Variants in KCNAB1 observed in about 807,000 individuals in gnomAD.
KCNAB1 encodes the protein voltage-gated potassium channel subunit beta-1.
In KCNAB1, 35 loss-of-function variants were observed where a neutral mutation model predicts 64.6. That is an observed-to-expected ratio of 0.54 (90% CI 0.41 to 0.72). The LOEUF (loss-of-function observed/expected upper bound fraction) is 0.72, where lower values mean the gene tolerates loss of function less well. KCNAB1 is among the 30% of genes least tolerant of loss of function. The pLI, the probability that KCNAB1 is intolerant of heterozygous loss-of-function variation, is 0.00. For missense variants in KCNAB1, 401 were observed against 512.9 expected, an observed-to-expected ratio of 0.78 and a Z score of 2.11; for synonymous variants, 177 against 183.8, an observed-to-expected ratio of 0.96 and a Z score of 0.30.
chr3:156,263,140 C>CTT (rs1718520928), intron 1 of KCNAB1, among the ~76,000 whole-genome samples: 1 of 151,794 alleles, frequency 6.6e-6, no homozygotes, highest in Non-Finnish European at 1.5e-5. Flanking sequence ...CTACTCTAAT[C>CTT]TTCATTAATT....
At chr3:156,268,027 C>T (rs937649426) in intron 1 of KCNAB1, among the ~76,000 whole-genome samples, 14 of 151,118 alleles carry the variant, frequency 9.3e-5, no homozygotes, top group East Asian at 1.9e-4. Context: ...ACTTCCTCCC[C>T]ACCCCCCATT....
intron 1 of KCNAB1, among the ~76,000 whole-genome samples, chr3:156,402,717 C>T (rs1341737647): frequency 6.6e-6 from 1 of 152,182 alleles, no homozygotes; most frequent in Non-Finnish European, 1.5e-5. Flanking sequence ...TGAAGGAAGG[C>T]TAAATCCTTA....
chr3:156,192,922 T>A (rs1713650406), intron 1 of KCNAB1, among the ~76,000 whole-genome samples: 1 of 152,052 alleles, frequency 6.6e-6, no homozygotes, highest in African/African-American at 2.4e-5. Context: ...TGAGTCTTGG[T>A]TTTTTATCCA....
chr3:156,391,888 A>AGTTTGCAGAT, intron 1 of KCNAB1, among the ~76,000 whole-genome samples: 1 of 152,226 alleles, frequency 6.6e-6, no homozygotes, highest in Non-Finnish European at 1.5e-5. Context: ...CTAGTATTTC[A>AGTTTGCAGAT]GCCTCTGTAG....
intron 1 of KCNAB1, among the ~76,000 whole-genome samples, chr3:156,222,246 G>A (rs567534984): frequency 1.0e-3 from 157 of 152,274 alleles, no homozygotes; most frequent in African/African-American, 3.7e-3. Flanking sequence ...GATATTCCCT[G>A]CAAATGGACA....
intron 1 of KCNAB1, among the ~76,000 whole-genome samples, chr3:156,392,812 T>C (rs1485087034): frequency 6.6e-6 from 1 of 152,264 alleles, no homozygotes; most frequent in Non-Finnish European, 1.5e-5. Context: ...TAAATCCAAC[T>C]GGGTTATGAA....
chr3:156,126,437 G>A (rs1713659628), intron 1 of KCNAB1, among the ~76,000 whole-genome samples: 1 of 152,226 alleles, frequency 6.6e-6, no homozygotes, highest in South Asian at 2.1e-4. Context: ...TTTAGGCAAA[G>A]GGGAGGAGTC....
intron 10 of KCNAB1, among the ~76,000 whole-genome samples, chr3:156,515,811 T>G (rs956872503): frequency 6.7e-6 from 1 of 150,370 alleles, no homozygotes; most frequent in African/African-American, 2.4e-5. Flanking sequence ...GAAATAACTT[T>G]CTTCCTAAGA....
chr3:156,420,864 T>C (rs1467963106), intron 1 of KCNAB1, among the ~76,000 whole-genome samples: 1 of 152,084 alleles, frequency 6.6e-6, no homozygotes, highest in East Asian at 1.9e-4. Flanking sequence ...CAAAAATATA[T>C]TTCTTTTCCT....
At chr3:156,220,525 A>G (rs1258909863) in intron 1 of KCNAB1, among the ~76,000 whole-genome samples, 4 of 150,948 alleles carry the variant, frequency 2.6e-5, no homozygotes, top group Non-Finnish European at 4.4e-5. Flanking sequence ...TCTTTTGAGA[A>G]GTGTCTGTTC....
intron 8 of KCNAB1, among the ~76,000 whole-genome samples, chr3:156,479,372 A>C (rs560728535): frequency 5.7e-4 from 87 of 152,284 alleles, no homozygotes; most frequent in African/African-American, 2.0e-3. Context: ...ATGGATGGAC[A>C]CAGAGCATTT....
chr3:156,484,404 G>A (rs1260857032), intron 8 of KCNAB1, among the ~76,000 whole-genome samples: 2 of 152,076 alleles, frequency 1.3e-5, no homozygotes, highest in Non-Finnish European at 2.9e-5. Flanking sequence ...GAGTGCTTCT[G>A]CTCACCCCAG....
intron 1 of KCNAB1, among the ~76,000 whole-genome samples, chr3:156,242,116 G>A (rs773251160): frequency 6.6e-6 from 1 of 152,170 alleles, no homozygotes; most frequent in African/African-American, 2.4e-5. Flanking sequence ...ATCACTTAGT[G>A]TGGGCTGATT....
At chr3:156,511,875 A>T (rs1717237389) in intron 8 of KCNAB1, among the ~76,000 whole-genome samples, 1 of 152,188 alleles carries the variant, frequency 6.6e-6, no homozygotes, top group Non-Finnish European at 1.5e-5. Context: ...TGCCAACTTC[A>T]TCTCATACCC....
chr3:156,234,889 T>A (rs1236791706), intron 1 of KCNAB1, among the ~76,000 whole-genome samples: 1 of 152,222 alleles, frequency 6.6e-6, no homozygotes, highest in East Asian at 1.9e-4. Flanking sequence ...TTATAAGAAA[T>A]GTGACCATAA....
chr3:156,283,475 T>G (rs1268777732), intron 1 of KCNAB1, among the ~76,000 whole-genome samples: 1 of 148,964 alleles, frequency 6.7e-6, no homozygotes, highest in Admixed American at 6.6e-5. Flanking sequence ...AGTATCTTTG[T>G]GGCGTTCTCT....
At chr3:156,533,814 G>A (rs1015301312) in intron 13 of KCNAB1, among the ~76,000 whole-genome samples, 2 of 152,154 alleles carry the variant, frequency 1.3e-5, no homozygotes, top group African/African-American at 4.8e-5. Context: ...GGAGATCACT[G>A]CCATTCCTGG....
chr3:156,228,188 C>T (rs1028416892), intron 1 of KCNAB1, among the ~76,000 whole-genome samples: 4 of 152,046 alleles, frequency 2.6e-5, no homozygotes, highest in African/African-American at 9.7e-5. Flanking sequence ...GTAACTGTGT[C>T]GGTGGGAAGT....
chr3:156,219,821 A>C (rs1171952883), intron 1 of KCNAB1, among the ~76,000 whole-genome samples: 1 of 151,608 alleles, frequency 6.6e-6, no homozygotes, highest in Non-Finnish European at 1.5e-5. Flanking sequence ...GTACCCATCA[A>C]CTCGTCATTT....
Sources: allele counts gnomAD v4.1 joint callset (sites outside exome capture counted in the v4.1 genomes callset), GRCh38; gene constraint gnomAD v4.1.1; transcripts MANE v1.5; gene names NCBI Gene and HGNC (gene_info 2026-07-23, HGNC 2026-07-21).